TBC1D22B: variants seen among roughly 807,000 people sequenced by gnomAD.
The protein encoded by TBC1D22B is chromosome 6 open reading frame 197.
Under a neutral mutation model 69.1 loss-of-function variants are expected in TBC1D22B, and 32 were observed. The observed-to-expected ratio is 0.46, with a 90% CI of 0.35 to 0.62. The LOEUF is 0.62. Among genes scored for constraint, TBC1D22B ranks in the 20% least tolerant of loss-of-function variants. The probability of loss-of-function intolerance (pLI) is 0.00; values close to 1 mark genes in which losing one functional copy is unlikely to be tolerated. For missense variants in TBC1D22B, 462 were observed against 630.9 expected (o/e 0.73, Z 2.87); for synonymous variants, 206 against 229.8 (o/e 0.90, Z 0.94).
intron 7 of TBC1D22B, among the ~76,000 whole-genome samples, chr6:37,287,416 G>A (rs1767039644): frequency 6.6e-6 from 1 of 152,170 alleles, no homozygotes; most frequent in South Asian, 2.1e-4. Flanking sequence ...AAAATTTACT[G>A]TGTTAACCAT....
In TBC1D22B at chr6:37,327,250, G is replaced by A. The variant is rs181644723; in HGVS notation, c.1390-3794G>A. Among the ~76,000 whole-genome samples, 148 of 141,420 alleles carry A rather than the reference G, an allele frequency of 1.0e-3. 32 individuals carry two copies. The highest frequency in any genetic ancestry group is 3.4e-3 in the African/African-American group (122 of 35,436). 92.8% of individuals were successfully genotyped at this position (141,420 alleles called of 152,430 possible). A position where few individuals can be genotyped will look rare whatever the true frequency, so the allele number is the denominator to read the frequency against. Reference sequence around the variant, plus strand: ...TCCCAGCACTTTGGGAGGCCGAGGCGGGCGGATCACGAGGTCAGGAGATCG... The same window carrying A: ...TCCCAGCACTTTGGGAGGCCGAGGCAGGCGGATCACGAGGTCAGGAGATCG... On this transcript the variant is annotated intron_variant, in intron 12 of 12. Coordinates refer to ENST00000373491, the MANE Select transcript of TBC1D22B (RefSeq NM_017772.4).
At chr6:37,324,114 G>T (rs752253140) in intron 12 of TBC1D22B, 7 of 306,198 alleles carry the variant, frequency 2.3e-5, no homozygotes, top group Non-Finnish European at 4.6e-5. Context: ...GACTAGAAAG[G>T]CATTTTTACA....
chr6:37,284,516 T>C (rs749925747), intron 6 of TBC1D22B, 52 bp downstream of exon 6: 31 of 1,510,688 alleles, frequency 2.1e-5, no homozygotes, highest in Non-Finnish European at 2.7e-5. Flanking sequence ...ACTTTAGGTA[T>C]GTCTCATGGT....
intron 12 of TBC1D22B, among the ~76,000 whole-genome samples, chr6:37,329,144 C>T (rs1000753731): frequency 3.9e-5 from 6 of 152,114 alleles, no homozygotes; most frequent in African/African-American, 1.4e-4. Flanking sequence ...AAAGGGTAAC[C>T]ACTGTGAACA....
intron 2 of TBC1D22B, among the ~76,000 whole-genome samples, chr6:37,273,119 C>T (rs1216085658): frequency 2.9e-5 from 4 of 135,796 alleles, no homozygotes; most frequent in South Asian, 2.5e-4. Context: ...ACATTTCCTG[C>T]GTTTGAATGT....
In TBC1D22B at chr6:37,267,340, A is replaced by AAT. The variant is rs1445358063; in HGVS notation, c.57-2244_57-2243dup. On this transcript the variant is annotated intron_variant, in intron 1 of 12. Transcript: ENST00000373491. ...TATATATATACACACACACATATAT[A>AAT]ATATATATATACACACATATATAAT... Among the ~76,000 whole-genome samples, 47 of 133,064 alleles carry AAT rather than the reference A, an allele frequency of 3.5e-4. 1 individual carries two copies. Among genetic ancestry groups the AAT allele is most frequent in the African/African-American group, 1.4e-3 (43 of 30,442 alleles). The allele number at this position is 133,064 out of a possible 152,430, so 87.3% of individuals were successfully genotyped here.
At chr6:37,283,784 G>A (rs527275502) in intron 5 of TBC1D22B, among the ~76,000 whole-genome samples, 134 of 152,328 alleles carry the variant, frequency 8.8e-4, no homozygotes, top group South Asian at 2.5e-3. Context: ...TGGCTAGGCC[G>A]GGGGCTGCTG....
At chr6:37,327,223 A>G in intron 12 of TBC1D22B, among the ~76,000 whole-genome samples, 1 of 95,060 alleles carries the variant, frequency 1.1e-5, no homozygotes, top group East Asian at 2.4e-4. Flanking sequence ...TCGCGCCTGT[A>G]ATCCCAGCAC....
chr6:37,315,617 C>G (rs1472511322), intron 10 of TBC1D22B, among the ~76,000 whole-genome samples: 1 of 152,112 alleles, frequency 6.6e-6, no homozygotes, highest in Non-Finnish European at 1.5e-5. Context: ...TGCTCTGTCG[C>G]CCAGGCTAGA....
intron 8 of TBC1D22B, among the ~76,000 whole-genome samples, chr6:37,306,378 C>T (rs1767718800): frequency 6.6e-6 from 1 of 152,218 alleles, no homozygotes; most frequent in Non-Finnish European, 1.5e-5. Context: ...GAACAGCTGA[C>T]ACTGGCAGTG....
At chr6:37,302,287 G>A (rs1170653870) in intron 8 of TBC1D22B, among the ~76,000 whole-genome samples, 1 of 152,222 alleles carries the variant, frequency 6.6e-6, no homozygotes, top group African/African-American at 2.4e-5. Flanking sequence ...TCTGGGTCTA[G>A]TGGTGACAGT....
chr6:37,313,985 C>G, intron 10 of TBC1D22B, 94 bp downstream of exon 10: 3 of 1,144,070 alleles, frequency 2.6e-6, no homozygotes, highest in Non-Finnish European at 4.0e-6. Context: ...AGCTGTCTTC[C>G]TAGCCATGAC....
chr6:37,325,099 C>T (rs996006674), intron 12 of TBC1D22B, among the ~76,000 whole-genome samples: 1 of 152,190 alleles, frequency 6.6e-6, no homozygotes, highest in Non-Finnish European at 1.5e-5. Context: ...TTTTCCTATA[C>T]CTTTCCCTTT....
chr6:37,282,756 C>G (rs926712337), intron 4 of TBC1D22B, 126 bp from the exon 5 acceptor site: 5 of 935,856 alleles, frequency 5.3e-6, no homozygotes, highest in Non-Finnish European at 8.5e-6. Flanking sequence ...TTTCACTGTG[C>G]TTATGGGTAG....
intron 8 of TBC1D22B, among the ~76,000 whole-genome samples, chr6:37,296,150 T>C (rs921670243): frequency 6.6e-6 from 1 of 152,176 alleles, no homozygotes; most frequent in Admixed American, 6.5e-5. Flanking sequence ...TAATTCCAGC[T>C]ACTGGAGAGG....
intron 9 of TBC1D22B, 132 bp downstream of exon 9, chr6:37,313,156 A>G: frequency 1.4e-6 from 1 of 708,064 alleles, no homozygotes; most frequent in African/African-American, 1.8e-5. Flanking sequence ...CCTCCTTTTC[A>G]TCCATCTCTA....
chr6:37,327,426 C>G (rs368707529), intron 12 of TBC1D22B, among the ~76,000 whole-genome samples: 1 of 72,640 alleles, frequency 1.4e-5, no homozygotes, highest in Admixed American at 2.3e-4. Flanking sequence ...TGCAGTGAGC[C>G]GAGATCGTGC....
chr6:37,327,096 A>T (rs1768428167), intron 12 of TBC1D22B, among the ~76,000 whole-genome samples: 1 of 152,120 alleles, frequency 6.6e-6, no homozygotes, highest in African/African-American at 2.4e-5. Flanking sequence ...AGCAGCAGAG[A>T]TGGGTAAAAG....
rs1163535035 is a variant in TBC1D22B at position 37,277,463 on chromosome 6, C to CTT, written c.114-1825_114-1824dup. Among the ~76,000 whole-genome samples the CTT allele has an allele frequency of 3.7e-4, 49 of 134,008 alleles. 1 individual carries two copies. Among genetic ancestry groups the CTT allele is most frequent in the African/African-American group, 8.6e-4 (31 of 35,940 alleles). The allele number at this position is 134,008 out of a possible 152,430, so 87.9% of individuals were successfully genotyped here. A position where few individuals can be genotyped will look rare whatever the true frequency, so the allele number is the denominator to read the frequency against. ...ATTTGGGTACTTGTCTCCTATAGTT[C>CTT]TTTTTTTTTTTTTTTTTGAGACGGA... On this transcript the variant is annotated intron_variant, in intron 2 of 12. Transcript: ENST00000373491.
Sources: allele counts gnomAD v4.1 joint callset (sites outside exome capture counted in the v4.1 genomes callset), GRCh38; gene constraint gnomAD v4.1.1; transcripts MANE v1.5; gene names NCBI Gene and HGNC (gene_info 2026-07-23, HGNC 2026-07-21).